Variants in ZNF555 observed in about 807,000 individuals in gnomAD.
ZNF555 encodes the protein zinc finger protein 555.
Under a neutral mutation model 14.0 loss-of-function variants are expected in ZNF555, and 10 were observed. The observed-to-expected ratio is 0.72, with a 90% CI of 0.44 to 1.21. The LOEUF is 1.21. Among genes scored for constraint, ZNF555 ranks in the 50% most tolerant of loss-of-function variants. The probability of loss-of-function intolerance (pLI) is 0.00; values close to 1 mark genes in which losing one functional copy is unlikely to be tolerated. For synonymous variants in ZNF555, 277 were observed against 262.4 expected, an observed-to-expected ratio of 1.06 and a Z score of -0.54; for missense variants, 747 against 762.0, an observed-to-expected ratio of 0.98 and a Z score of 0.23.
intron 2 of ZNF555, among the ~76,000 whole-genome samples, chr19:2,850,980 G>A (rs2087624476): frequency 6.7e-6 from 1 of 149,430 alleles, no homozygotes; most frequent in Non-Finnish European, 1.5e-5. Flanking sequence ...ATTTGTTTGT[G>A]CAAGCCAGTG....
Position 2,850,517 on chromosome 19 carries a change from C to T in ZNF555, c.4-70C>T, listed in dbSNP as rs79644505. On this transcript the variant is annotated intron_variant, in intron 1 of 3. Transcript: ENST00000334241. ...CACAGAATCTTGTTTGAACTACATACGAATTGAGTACAATGCTCCTGGGCT... is the reference window on the plus strand; with the variant it reads ...CACAGAATCTTGTTTGAACTACATATGAATTGAGTACAATGCTCCTGGGCT... 1.5e-3 allele frequency: 2,407 copies of T among 1,573,398 alleles called. 27 individuals carry two copies. In the African/African-American group the frequency reaches 0.029, roughly 19 times the overall value.
In ZNF555 at chr19:2,855,970, G is replaced by A. The variant is rs927570248; in HGVS notation, c.*2018G>A. On this transcript the variant is annotated 3_prime_UTR_variant, in exon 4 of 4. Coordinates refer to ENST00000334241, the MANE Select transcript of ZNF555 (RefSeq NM_152791.5). ...CAACAGCTCTCTTTTCGCATACTGAGGCACCGCGAATTAAGATTTCAACGT... is the reference window on the plus strand; with the variant it reads ...CAACAGCTCTCTTTTCGCATACTGAAGCACCGCGAATTAAGATTTCAACGT... The A allele has an allele frequency of 6.6e-6, 1 of 151,878 alleles. No homozygotes were observed. The highest frequency in any genetic ancestry group is 6.6e-5 in the Admixed American group (1 of 15,248). 9.4% of individuals were successfully genotyped at this position (151,878 alleles called of 1,614,324 possible). A position where few individuals can be genotyped will look rare whatever the true frequency, so the allele number is the denominator to read the frequency against.
chr19:2,845,097 A>G (rs1045736956), intron 1 of ZNF555, among the ~76,000 whole-genome samples: 6 of 152,168 alleles, frequency 3.9e-5, no homozygotes, highest in African/African-American at 1.4e-4. Flanking sequence ...GCCATGAGGA[A>G]GGGTGTCAGC....
At position 2,852,577 on chromosome 19, in the gene ZNF555, C is replaced by T. The variant is rs1300438674; in HGVS notation, c.512C>T (p.Pro171Leu). Residue 171 changes from proline (P) to leucine (L), a missense_variant, in exon 4 of 4, where the codon CCA becomes CTA. Coordinates refer to ENST00000334241, the MANE Select transcript of ZNF555 (RefSeq NM_152791.5). ...ATCACAGTTCACACTGGACACAAAC[C>T]ATATCAGTGCCAGGAATGTGGGCAG... ...SPITVHTGHK[P>L]YQCQECGQAY... The T allele has an allele frequency of 6.2e-7, 1 of 1,614,136 alleles. No homozygotes were observed. Among genetic ancestry groups the T allele is most frequent in the Non-Finnish European group, 8.5e-7 (1 of 1,180,034 alleles).
At position 2,851,663 on chromosome 19, in the gene ZNF555, T is replaced by G. The variant is rs767630542; in HGVS notation, c.314+12T>G. 7 of 1,539,410 alleles carry G rather than the reference T, an allele frequency of 4.5e-6. No individual in the cohort carries two copies. Among genetic ancestry groups the G allele is most frequent in the Non-Finnish European group, 6.1e-6 (7 of 1,147,534 alleles). Reference sequence around the variant, plus strand: ...GGGAGAAATCTCAGGTGAGTTGCACTCACAAGAGAACATAGTATTTCAGGA... The same window carrying G: ...GGGAGAAATCTCAGGTGAGTTGCACGCACAAGAGAACATAGTATTTCAGGA... On this transcript the variant is annotated intron_variant, in intron 3 of 3. Coordinates refer to ENST00000334241, the MANE Select transcript of ZNF555 (RefSeq NM_152791.5).
chr19:2,853,990 C>T lies in ZNF555; in HGVS notation c.*38C>T. 1 of 1,600,184 alleles carries T rather than the reference C, an allele frequency of 6.2e-7. No individual in the cohort carries two copies. Among genetic ancestry groups the T allele is most frequent in the Non-Finnish European group, 8.5e-7 (1 of 1,175,010 alleles). ...GAAAGTGGACACTCAAGGAGTGTGT[C>T]TGTAGTTCATTTGCAAATAAACATT... On this transcript the variant is annotated 3_prime_UTR_variant, in exon 4 of 4. Transcript: ENST00000334241.
Position 2,856,071 on chromosome 19 carries a change from T to C in ZNF555, c.*2119T>C, listed in dbSNP as rs1476871883. The stretch of plus-strand genomic sequence containing the variant: ...TTTGTTTACCGAGAGAATTACAGAT[T>C]TCAAATCAACTTTGTAATTTTGATA... On this transcript the variant is annotated 3_prime_UTR_variant, in exon 4 of 4. Coordinates refer to ENST00000334241, the MANE Select transcript of ZNF555 (RefSeq NM_152791.5). 1.3e-5 allele frequency: 2 copies of C among 152,208 alleles called. No homozygotes were observed. The highest frequency in any genetic ancestry group is 2.9e-5 in the Non-Finnish European group (2 of 68,028). The allele number at this position is 152,208 out of a possible 1,614,324, so 9.4% of individuals were successfully genotyped here. A position where few individuals can be genotyped will look rare whatever the true frequency, so the allele number is the denominator to read the frequency against.
intron 1 of ZNF555, among the ~76,000 whole-genome samples, chr19:2,844,022 C>G (rs1246266394): frequency 6.6e-6 from 1 of 151,914 alleles, no homozygotes; most frequent in Non-Finnish European, 1.5e-5. Context: ...GCACCTGCTA[C>G]CATGCCTGCC....
chr19:2,853,358 A>G lies in ZNF555; in HGVS notation c.1293A>G (p.Lys431=). Residue 431 remains lysine, a synonymous_variant, in exon 4 of 4, where the codon AAA becomes AAG. Transcript: ENST00000334241. ...CCTATGAGTGCAAGCAATGTGGGAA[A>G]ACTTTCAATTGGCCCATATCTTTAC... ...EKPYECKQCG[K]TFNWPISLRK... The G allele has an allele frequency of 1.9e-6, 3 of 1,614,064 alleles. No individual in the cohort carries two copies. The highest frequency in any genetic ancestry group is 1.6e-4 in the Middle Eastern group (1 of 6,062).
Position 2,855,592 on chromosome 19 carries a change from C to G in ZNF555, c.*1640C>G, listed in dbSNP as rs1342299181. On this transcript the variant is annotated 3_prime_UTR_variant, in exon 4 of 4. Transcript: ENST00000334241. ...AAAAAAATCCTATTTACTGTGCTTT[C>G]AAATTAGTTGTTTAGAGACTATATT... 1.3e-5 allele frequency: 2 copies of G among 152,102 alleles called. No individual in the cohort carries two copies. The highest frequency in any genetic ancestry group is 2.9e-5 in the Non-Finnish European group (2 of 68,002). The allele number at this position is 152,102 out of a possible 1,614,324, so 9.4% of individuals were successfully genotyped here. A position where few individuals can be genotyped will look rare whatever the true frequency, so the allele number is the denominator to read the frequency against.
rs2087658806 is a variant in ZNF555, at chr19:2,853,676, A to C, written c.1611A>C (p.Glu537Asp). 1 of 1,580,576 alleles carries C rather than the reference A, an allele frequency of 6.3e-7. No homozygotes were observed. The highest frequency in any genetic ancestry group is 8.6e-7 in the Non-Finnish European group (1 of 1,164,732). Residue 537 changes from glutamate (E) to aspartate (D), a missense_variant, in exon 4 of 4, where the codon GAA becomes GAC. Physicochemically the swap from Glu to Asp is conservative, Grantham distance 45. Coordinates refer to ENST00000334241, the MANE Select transcript of ZNF555 (RefSeq NM_152791.5). ...CGCACACTGTAGAGAAGCCCTATGA[A>C]TGTAAGGAATGTGGGAAGGTCTTCA... ...VRTHTVEKPY[E>D]CKECGKVFKW...
chr19:2,850,841 C>T, intron 2 of ZNF555, 128 bp downstream of exon 2: 2 of 1,150,550 alleles, frequency 1.7e-6, no homozygotes, highest in Non-Finnish European at 2.5e-6. Context: ...GACATAGTCA[C>T]AGCTGTCATA....
At position 2,850,594 on chromosome 19, in the gene ZNF555, T is replaced by C; in HGVS notation, c.11T>C (p.Val4Ala). 3 of 1,613,660 alleles carry C rather than the reference T, an allele frequency of 1.9e-6. No homozygotes were observed. Among genetic ancestry groups the C allele is most frequent in the Non-Finnish European group, 2.5e-6 (3 of 1,179,700 alleles). Residue 4 changes from valine (V) to alanine (A), a missense_variant, in exon 2 of 4, where the codon GTG becomes GCG. Transcript: ENST00000334241. MDS[V>A]VFEDVAVDFT... ...TATGTTGAATTGTTTTAGGACTCAG[T>C]GGTCTTTGAGGATGTGGCTGTGGAC...
At position 2,855,894 on chromosome 19, in the gene ZNF555, G is replaced by A. The variant is rs2087679518; in HGVS notation, c.*1942G>A. 1 of 152,038 alleles carries A rather than the reference G, an allele frequency of 6.6e-6. No individual in the cohort carries two copies. The highest frequency in any genetic ancestry group is 2.4e-5 in the African/African-American group (1 of 41,372). 9.4% of individuals were successfully genotyped at this position (152,038 alleles called of 1,614,324 possible). On this transcript the variant is annotated 3_prime_UTR_variant, in exon 4 of 4. Transcript: ENST00000334241. ...TTTATACATACACACCACTCATTGG[G>A]TTAGGCCCCACTCTACTTCAGTATG... is the stretch of plus-strand genomic sequence containing the variant.
chr19:2,850,876 T>A (rs2087623621), intron 2 of ZNF555, among the ~76,000 whole-genome samples, 163 bp downstream of exon 2: 1 of 152,210 alleles, frequency 6.6e-6, no homozygotes, highest in Admixed American at 6.5e-5. Context: ...TGTTTTTCCA[T>A]GAGAATGAGA....
chr19:2,844,660 T>A (rs532924543), intron 1 of ZNF555, among the ~76,000 whole-genome samples: 15 of 152,364 alleles, frequency 9.8e-5, no homozygotes, highest in African/African-American at 3.6e-4. Flanking sequence ...ATAAACAGTT[T>A]CAGCACAATA....
At chr19:2,850,849 A>G (rs1345733750) in intron 2 of ZNF555, 136 bp downstream of exon 2, 2 of 1,081,110 alleles carry the variant, frequency 1.8e-6, no homozygotes, top group Admixed American at 5.1e-5. Context: ...CACAGCTGTC[A>G]TAGAGCTAGA....
chr19:2,844,997 A>T (rs2144844497), intron 1 of ZNF555, among the ~76,000 whole-genome samples: 1 of 152,238 alleles, frequency 6.6e-6, no homozygotes, highest in African/African-American at 2.4e-5. Context: ...TTTCAGATTC[A>T]TGGGCACATG....
At chr19:2,850,022 A>G (rs1490849822) in intron 1 of ZNF555, among the ~76,000 whole-genome samples, 1 of 152,190 alleles carries the variant, frequency 6.6e-6, no homozygotes, top group African/African-American at 2.4e-5. Context: ...ATTTCTCAAT[A>G]ACTTCTAGTT....
Sources: allele counts gnomAD v4.1 joint callset (sites outside exome capture counted in the v4.1 genomes callset), GRCh38; gene constraint gnomAD v4.1.1; transcripts MANE v1.5; gene names NCBI Gene and HGNC (gene_info 2026-07-23, HGNC 2026-07-21).